The following CEP112 variants were observed in gnomAD, a reference collection of about 807,000 sequenced individuals.
The protein encoded by CEP112 is centrosomal protein 112, also known as centrosomal protein of 112 kDa.
Under a neutral mutation model 153.0 loss-of-function variants are expected in CEP112, and 127 were observed. The ratio of observed to expected loss-of-function variants is 0.83; its 90% CI spans 0.72 to 0.96. CEP112 has a LOEUF of 0.96. CEP112 is among the 40% of genes least tolerant of loss of function. CEP112 has a pLI of 0.00. For missense variants in CEP112, 1,089 were observed against 1,101.2 expected, an observed-to-expected ratio of 0.99 and a Z score of 0.16; for synonymous variants, 358 against 374.4, an observed-to-expected ratio of 0.96 and a Z score of 0.51.
At chr17:65,820,365 T>C (rs1259588719) in intron 21 of CEP112, among the ~76,000 whole-genome samples, 1 of 152,118 alleles carries the variant, frequency 6.6e-6, no homozygotes, top group African/African-American at 2.4e-5. Flanking sequence ...GATAGTTTTC[T>C]AGTTCTTTTT....
chr17:65,679,129 CTTTTTTTTTTTTTTT>C (rs57907674), intron 24 of CEP112, among the ~76,000 whole-genome samples: 494 of 31,448 alleles, frequency 0.016, no homozygotes, highest in African/African-American at 0.026. Context: ...GTGGTTCAAG[CTTTTTTTTTTTTTTT>C]TTTTTTTTTT....
At chr17:65,688,956 C>T in intron 24 of CEP112, 173 bp downstream of exon 24, 2 of 472,524 alleles carry the variant, frequency 4.2e-6, no homozygotes, top group South Asian at 5.3e-5. Flanking sequence ...TTAGTAGAGA[C>T]AGGGTTTCAC....
At chr17:65,917,026 GC>G (rs2060520177) in intron 19 of CEP112, among the ~76,000 whole-genome samples, 1 of 152,190 alleles carries the variant, frequency 6.6e-6, no homozygotes, top group East Asian at 1.9e-4. Flanking sequence ...GGACACAGGG[GC>G]CCAGGCTCTA....
chr17:66,037,529 A>G (rs2065787606), intron 12 of CEP112, among the ~76,000 whole-genome samples: 1 of 152,192 alleles, frequency 6.6e-6, no homozygotes, highest in Admixed American at 6.5e-5. Context: ...GTATTTATGC[A>G]TAGTCTTTCC....
At chr17:65,636,007 C>T (rs1598147790) in intron 26 of CEP112, 33 bp from the exon 27 acceptor site, 1 of 1,589,276 alleles carries the variant, frequency 6.3e-7, no homozygotes, top group Non-Finnish European at 8.6e-7. Flanking sequence ...ACGACTTTCT[C>T]TAGGTTTAAC....
intron 4 of CEP112, among the ~76,000 whole-genome samples, chr17:66,148,198 C>A (rs901952518): frequency 1.3e-5 from 2 of 152,088 alleles, no homozygotes; most frequent in African/African-American, 4.8e-5. Flanking sequence ...AGGGTTTCCC[C>A]TTATAAAACC....
intron 17 of CEP112, among the ~76,000 whole-genome samples, chr17:65,996,212 T>C (rs1239319758): frequency 6.6e-6 from 1 of 151,500 alleles, no homozygotes; most frequent in African/African-American, 2.4e-5. Context: ...TTTAAAATCA[T>C]TATATTTGTA....
intron 17 of CEP112, among the ~76,000 whole-genome samples, chr17:65,987,014 G>A: frequency 6.6e-6 from 1 of 152,046 alleles, no homozygotes; most frequent in Non-Finnish European, 1.5e-5. Flanking sequence ...ATTGAGTAAT[G>A]AGAAAAAAAT....
intron 23 of CEP112, among the ~76,000 whole-genome samples, chr17:65,693,534 G>C (rs942507884): frequency 6.6e-6 from 1 of 152,042 alleles, no homozygotes; most frequent in Non-Finnish European, 1.5e-5. Flanking sequence ...TATGGAGAAG[G>C]GGATGGGTGA....
chr17:65,837,176 G>A (rs913721410), intron 21 of CEP112, among the ~76,000 whole-genome samples: 1 of 152,186 alleles, frequency 6.6e-6, no homozygotes, highest in African/African-American at 2.4e-5. Context: ...CCAGCCGCCT[G>A]CCTTGGCCTC....
chr17:65,826,460 C>T, intron 21 of CEP112: 1 of 1,502,938 alleles, frequency 6.7e-7, no homozygotes, highest in Non-Finnish European at 8.8e-7. Context: ...CTGAGATTCC[C>T]CACCACAATC....
chr17:66,031,832 T>C (rs1178695836), intron 12 of CEP112, among the ~76,000 whole-genome samples: 1 of 152,080 alleles, frequency 6.6e-6, no homozygotes, highest in Non-Finnish European at 1.5e-5. Context: ...AGATGAGGCA[T>C]CATCCTGTAA....
intron 24 of CEP112, among the ~76,000 whole-genome samples, chr17:65,673,587 C>T (rs186032422): frequency 1.4e-4 from 21 of 152,252 alleles, no homozygotes; most frequent in African/African-American, 4.6e-4. Context: ...CCTTCTCCCA[C>T]ATAATATATC....
chr17:65,857,645 T>G (rs182131451), intron 20 of CEP112, among the ~76,000 whole-genome samples: 8 of 152,332 alleles, frequency 5.3e-5, no homozygotes, highest in Non-Finnish European at 1.2e-4. Flanking sequence ...AAGATAATAT[T>G]ACTGGATTCA....
At chr17:65,970,027 G>A (rs757462570) in intron 17 of CEP112, among the ~76,000 whole-genome samples, 1 of 152,058 alleles carries the variant, frequency 6.6e-6, no homozygotes, top group African/African-American at 2.4e-5. Flanking sequence ...GAACATGCAC[G>A]CCACATGCAT....
At position 66,065,692 on chromosome 17, in the gene CEP112, C is replaced by T. The variant is rs180920286; in HGVS notation, c.955+1086G>A. On this transcript the variant is annotated intron_variant, in intron 10 of 26. Transcript: ENST00000535342. Reference sequence around the variant, plus strand: ...TTGCCCAGGCTGGAGTGCAGTGGCACGGTCTCGGCTCACTGCAAGCTCCAC... The same window carrying T: ...TTGCCCAGGCTGGAGTGCAGTGGCATGGTCTCGGCTCACTGCAAGCTCCAC... Among the ~76,000 whole-genome samples, 602 of 150,330 alleles carry T rather than the reference C, an allele frequency of 4.0e-3. 3 individuals carry two copies. The highest frequency in any genetic ancestry group is 0.014 in the African/African-American group (563 of 40,650).
chr17:65,937,137 G>T (rs1260182018), intron 18 of CEP112, among the ~76,000 whole-genome samples: 1 of 148,888 alleles, frequency 6.7e-6, no homozygotes, highest in Non-Finnish European at 1.5e-5. Context: ...GCCCAGGCTG[G>T]AGTGCAGTGG....
chr17:66,189,125 T>A (rs2073063205), intron 1 of CEP112, among the ~76,000 whole-genome samples: 2 of 152,200 alleles, frequency 1.3e-5, no homozygotes, highest in African/African-American at 2.4e-5. Flanking sequence ...AAAGCTCAGA[T>A]TAAAATTCTG....
Position 66,044,589 on chromosome 17 carries a change from T to C in CEP112, c.1218+9147A>G, listed in dbSNP as rs374093235. ...ACATGAATGGACCATAATGACATTA[T>C]GCGAAGTGAAATACGCCAGTCACTG... On this transcript the variant is annotated intron_variant, in intron 12 of 26. Coordinates refer to ENST00000535342, the MANE Select transcript of CEP112 (RefSeq NM_001199165.4). 1.0e-3 allele frequency among the ~76,000 whole-genome samples: 158 copies of C among 152,340 alleles called. 3 individuals are homozygous for C. In the South Asian group the frequency reaches 0.031, roughly 30 times the overall value.
Sources: gnomAD v4.1 joint callset for allele counts (sites outside exome capture counted in the v4.1 genomes callset) on GRCh38, gnomAD v4.1.1 for gene constraint, MANE v1.5 for transcripts, NCBI Gene and HGNC (gene_info 2026-07-23, HGNC 2026-07-21) for gene names.